CSMD1: variants seen among roughly 807,000 people sequenced by gnomAD.
CSMD1 encodes CUB and Sushi multiple domains 1.
In CSMD1, 213 loss-of-function variants were observed where a neutral mutation model predicts 417.5. The observed-to-expected ratio is 0.51, with a 90% confidence interval of 0.46 to 0.57. The LOEUF (loss-of-function observed/expected upper bound fraction) is 0.57, where lower values mean the gene tolerates loss of function less well. Ranked by LOEUF, CSMD1 falls within the 20% of genes least tolerant of loss-of-function variation. The probability of loss-of-function intolerance (pLI) is 0.00; values close to 1 mark genes in which losing one functional copy is unlikely to be tolerated. For missense variants in CSMD1, 6,923 were observed against 4,529.7 expected (o/e 1.53, Z -15.17); for synonymous variants, 2,862 against 1,736.8 (o/e 1.65, Z -16.11).
chr8:4,694,046 G>C (rs1171537275), intron 1 of CSMD1, among the ~76,000 whole-genome samples: 1 of 152,182 alleles, frequency 6.6e-6, no homozygotes, highest in African/African-American at 2.4e-5. Context: ...GCTGGGAACT[G>C]CTTAGGGCAA....
chr8:4,811,818 A>T (rs1475141261), intron 1 of CSMD1, among the ~76,000 whole-genome samples: 2 of 152,104 alleles, frequency 1.3e-5, no homozygotes, highest in African/African-American at 2.4e-5. Flanking sequence ...TAGACATAGG[A>T]AAAGATGTGA....
chr8:3,578,778 A>C lies in CSMD1; in HGVS notation c.1223-3712T>G, dbSNP rs74369973. On this transcript the variant is annotated intron_variant, in intron 9 of 69. Transcript: ENST00000635120. The stretch of plus-strand genomic sequence containing the variant: ...TCATAGCATCCCTGGAGGCAGGGAA[A>C]CTTCTTTCCTTCCCTTAGCTTCTGT... Among the ~76,000 whole-genome samples the C allele has an allele frequency of 1.2e-4, 18 of 152,314 alleles. No individual in the cohort carries two copies. In the East Asian group the frequency reaches 2.9e-3, roughly 25 times the overall value.
intron 25 of CSMD1, among the ~76,000 whole-genome samples, chr8:3,303,026 G>A (rs924738406): frequency 2.6e-5 from 4 of 152,198 alleles, no homozygotes; most frequent in Non-Finnish European, 4.4e-5. Context: ...GGGAAAAACT[G>A]TAGACTTCTA....
intron 3 of CSMD1, among the ~76,000 whole-genome samples, chr8:4,193,388 G>GTAACTTTTTTCACTATTTAC (rs1563252014): frequency 1.4e-4 from 22 of 152,184 alleles, no homozygotes; most frequent in African/African-American, 5.3e-4. Context: ...GTATCAAAAT[G>GTAACTTTTTTCACTATTTAC]AATATTCCTG....
intron 1 of CSMD1, among the ~76,000 whole-genome samples, chr8:4,740,026 C>G (rs572900908): frequency 4.9e-4 from 74 of 152,182 alleles, no homozygotes; most frequent in African/African-American, 1.7e-3. Flanking sequence ...CTTCAGCATC[C>G]TGGCAGAGGA....
chr8:4,004,260 T>A (rs560691839), intron 4 of CSMD1, among the ~76,000 whole-genome samples: 1 of 152,068 alleles, frequency 6.6e-6, no homozygotes, highest in Non-Finnish European at 1.5e-5. Flanking sequence ...CTAAAAAACA[T>A]CCCAGTAACA....
intron 14 of CSMD1, 56 bp downstream of exon 14, chr8:3,407,843 G>C: frequency 1.4e-6 from 2 of 1,444,266 alleles, no homozygotes; most frequent in Non-Finnish European, 1.9e-6. Flanking sequence ...TAAGCAAAAT[G>C]GGAACATGTA....
At chr8:4,586,748 G>C (rs186200218) in intron 2 of CSMD1, among the ~76,000 whole-genome samples, 101 of 152,238 alleles carry the variant, frequency 6.6e-4, no homozygotes, top group Non-Finnish European at 1.3e-3. Context: ...TCCATGAATA[G>C]CTGTGCGGTT....
At chr8:4,859,254 C>G (rs1801987294) in intron 1 of CSMD1, among the ~76,000 whole-genome samples, 1 of 151,850 alleles carries the variant, frequency 6.6e-6, no homozygotes. Flanking sequence ...ACACCTTATA[C>G]AAAAATCAAT....
chr8:3,764,952 C>T (rs776930551), intron 5 of CSMD1, among the ~76,000 whole-genome samples: 1 of 151,812 alleles, frequency 6.6e-6, no homozygotes, highest in Non-Finnish European at 1.5e-5. Context: ...CACATGTTGA[C>T]CAGGCTGGTC....
chr8:3,069,144 A>G (rs1813154247), intron 49 of CSMD1, among the ~76,000 whole-genome samples: 1 of 152,132 alleles, frequency 6.6e-6, no homozygotes, highest in Non-Finnish European at 1.5e-5. Flanking sequence ...TGGCCAAGAG[A>G]AAGGGGCTGG....
chr8:3,664,710 G>A (rs943050320), intron 7 of CSMD1, among the ~76,000 whole-genome samples: 4 of 152,120 alleles, frequency 2.6e-5, no homozygotes, highest in Admixed American at 1.3e-4. Context: ...TCATCTTATC[G>A]GGATGTTGAA....
At chr8:3,201,139 CAT>C (rs1796969810) in intron 32 of CSMD1, among the ~76,000 whole-genome samples, 1 of 152,060 alleles carries the variant, frequency 6.6e-6, no homozygotes, top group Non-Finnish European at 1.5e-5. Context: ...TATGGGGGCT[CAT>C]GTGTATTTGC....
At chr8:4,789,240 T>G (rs1797567509) in intron 1 of CSMD1, among the ~76,000 whole-genome samples, 1 of 152,348 alleles carries the variant, frequency 6.6e-6, no homozygotes, top group South Asian at 2.1e-4. Flanking sequence ...ATCCTGCCAC[T>G]GTTTCTCATC....
intron 1 of CSMD1, among the ~76,000 whole-genome samples, chr8:4,697,755 T>C (rs1174343960): frequency 1.3e-5 from 2 of 152,202 alleles, no homozygotes; most frequent in African/African-American, 2.4e-5. Flanking sequence ...AGGAAAGCAT[T>C]ACTCATTTGG....
chr8:4,410,128 C>A (rs1214332094), intron 3 of CSMD1, among the ~76,000 whole-genome samples: 1 of 152,130 alleles, frequency 6.6e-6, no homozygotes, highest in African/African-American at 2.4e-5. Flanking sequence ...ACTTTATAAT[C>A]TTTGAAGCCA....
chr8:3,746,905 T>C (rs1299861815), intron 6 of CSMD1, among the ~76,000 whole-genome samples: 1 of 152,180 alleles, frequency 6.6e-6, no homozygotes, highest in Non-Finnish European at 1.5e-5. Context: ...CTGAGTACAG[T>C]GGGTCAGGAC....
intron 5 of CSMD1, among the ~76,000 whole-genome samples, chr8:3,980,084 A>C (rs1035414311): frequency 1.3e-4 from 20 of 151,948 alleles, no homozygotes; most frequent in African/African-American, 3.6e-4. Context: ...TCTATTCCTA[A>C]TTGATTACTT....
At chr8:4,935,708 G>A (rs986488756) in intron 1 of CSMD1, among the ~76,000 whole-genome samples, 2 of 152,176 alleles carry the variant, frequency 1.3e-5, no homozygotes, top group African/African-American at 4.8e-5. Flanking sequence ...TTAGGATTGA[G>A]GAATGGCGTG....
Sources: allele counts gnomAD v4.1 joint callset (sites outside exome capture counted in the v4.1 genomes callset), GRCh38; gene constraint gnomAD v4.1.1; transcripts MANE v1.5; gene names NCBI Gene and HGNC (gene_info 2026-07-23, HGNC 2026-07-21).